The following COL24A1 variants were observed in gnomAD, a reference collection of about 807,000 sequenced individuals.
COL24A1 encodes collagen type XXIV alpha 1 chain.
In COL24A1, 224 loss-of-function variants were observed where a neutral mutation model predicts 253.9. The ratio of observed to expected loss-of-function variants is 0.88; its 90% CI spans 0.79 to 0.99. The LOEUF (loss-of-function observed/expected upper bound fraction) is 0.99. Among genes scored for constraint, COL24A1 ranks in the 50% least tolerant of loss-of-function variants. The probability of loss-of-function intolerance (pLI) is 0.00; values close to 1 mark genes in which losing one functional copy is unlikely to be tolerated. For synonymous variants in COL24A1, 685 were observed against 673.7 expected (o/e 1.02, Z -0.26); for missense variants, 2,131 against 2,068.5 (o/e 1.03, Z -0.59).
At chr1:85,734,634 AC>A in intron 59 of COL24A1, 114 bp downstream of exon 59, 3 of 877,568 alleles carry the variant, frequency 3.4e-6, no homozygotes, top group Middle Eastern at 2.6e-4. Flanking sequence ...AAAACTTACT[AC>A]CCTTCTGTAT....
intron 24 of COL24A1, among the ~76,000 whole-genome samples, chr1:85,941,724 T>C (rs1239930763): frequency 6.6e-6 from 1 of 152,158 alleles, no homozygotes; most frequent in African/African-American, 2.4e-5. Context: ...TCCTGACATA[T>C]CTACAGGAAG....
intron 32 of COL24A1, among the ~76,000 whole-genome samples, chr1:85,880,006 G>C (rs1477860574): frequency 6.6e-6 from 1 of 152,080 alleles, no homozygotes; most frequent in African/African-American, 2.4e-5. Flanking sequence ...TGGCTATTCT[G>C]GGTCTTTTGC....
chr1:85,853,051 A>G (rs559371855), intron 37 of COL24A1, among the ~76,000 whole-genome samples: 1 of 152,274 alleles, frequency 6.6e-6, no homozygotes, highest in South Asian at 2.1e-4. Flanking sequence ...GATTTGGTGT[A>G]CAGATAATTT....
At chr1:86,005,636 A>G (rs952948999) in intron 19 of COL24A1, among the ~76,000 whole-genome samples, 4 of 152,114 alleles carry the variant, frequency 2.6e-5, no homozygotes, top group African/African-American at 7.2e-5. Flanking sequence ...AAATAAAAGA[A>G]TAAAAAGAAA....
chr1:86,038,478 G>A (rs1553267026), intron 12 of COL24A1, among the ~76,000 whole-genome samples: 1 of 152,104 alleles, frequency 6.6e-6, no homozygotes, highest in Non-Finnish European at 1.5e-5. Flanking sequence ...ACAGGCAAGA[G>A]ATGTGGAGAA....
chr1:85,868,828 G>T lies in COL24A1; in HGVS notation c.3146C>A (p.Pro1049Gln). The change falls in exon 36 of 60, where the codon CCA becomes CAA. Residue 1049 changes from proline (P) to glutamine (Q), a missense_variant. Transcript: ENST00000370571. ...GTGEPGLRGE[P>Q]GAPGEEGLQG... ...GAGACCTTCTTCTCCAGGAGCTCCTGGTTCACCCTATTTTGTAGCAGAAAG... is the reference window on the plus strand; with the variant it reads ...GAGACCTTCTTCTCCAGGAGCTCCTTGTTCACCCTATTTTGTAGCAGAAAG... The T allele has an allele frequency of 6.3e-7, 1 of 1,586,972 alleles. No individual in the cohort carries two copies. The highest frequency in any genetic ancestry group is 1.8e-5 in the Admixed American group (1 of 56,876).
intron 41 of COL24A1, 144 bp downstream of exon 41, chr1:85,841,924 A>ATTTTT: frequency 1.6e-6 from 1 of 627,424 alleles, no homozygotes. Context: ...CTTGATATTT[A>ATTTTT]TTTTTTTCTT....
chr1:85,829,513 A>T (rs1296920448), intron 43 of COL24A1, among the ~76,000 whole-genome samples: 1 of 151,824 alleles, frequency 6.6e-6, no homozygotes, highest in Non-Finnish European at 1.5e-5. Context: ...TATCCTGCAG[A>T]GTGTTTTCCA....
intron 2 of COL24A1, among the ~76,000 whole-genome samples, chr1:86,145,122 C>T (rs781015277): frequency 6.6e-6 from 1 of 152,052 alleles, no homozygotes; most frequent in Non-Finnish European, 1.5e-5. Context: ...ATCTACTTGT[C>T]AATTTGGTCA....
intron 43 of COL24A1, among the ~76,000 whole-genome samples, chr1:85,826,982 G>A (rs536162632): frequency 7.9e-5 from 12 of 151,944 alleles, no homozygotes; most frequent in African/African-American, 2.9e-4. Context: ...AGTGGTGAGA[G>A]AGGGCATCCC....
intron 47 of COL24A1, among the ~76,000 whole-genome samples, chr1:85,794,919 A>G (rs1233215319): frequency 1.3e-5 from 2 of 152,128 alleles, no homozygotes; most frequent in Non-Finnish European, 2.9e-5. Context: ...CTACCGAAAT[A>G]AGTTTTAAAC....
intron 28 of COL24A1, among the ~76,000 whole-genome samples, chr1:85,898,674 A>G (rs1027986733): frequency 9.8e-5 from 15 of 152,344 alleles, no homozygotes; most frequent in Admixed American, 7.2e-4. Context: ...AGTGCCTACT[A>G]TAAGCCAGCA....
chr1:85,764,573 A>G (rs1436909843), intron 53 of COL24A1, among the ~76,000 whole-genome samples: 2 of 151,564 alleles, frequency 1.3e-5, no homozygotes, highest in Non-Finnish European at 2.9e-5. Flanking sequence ...GAAAAACACA[A>G]TCATATAGGA....
chr1:85,879,246 G>GGGGT (rs759641342), intron 32 of COL24A1, among the ~76,000 whole-genome samples: 3 of 147,222 alleles, frequency 2.0e-5, no homozygotes, highest in Admixed American at 1.4e-4. Flanking sequence ...TCATTTTGAG[G>GGGGT]GTGTGTGTGT....
intron 29 of COL24A1, 94 bp from the exon 30 acceptor site, chr1:85,896,159 G>A (rs1683683194): frequency 7.5e-7 from 1 of 1,341,798 alleles, no homozygotes; most frequent in Admixed American, 2.2e-5. Flanking sequence ...ATACAAAAAA[G>A]ACAGTAAGTA....
intron 14 of COL24A1, chr1:86,030,735 T>C (rs1267450903): frequency 1.4e-5 from 2 of 146,618 alleles, no homozygotes; most frequent in African/African-American, 5.1e-5. Flanking sequence ...GCCAGGCTAA[T>C]TTTCTTTTTT....
intron 20 of COL24A1, among the ~76,000 whole-genome samples, chr1:85,978,616 A>G (rs1324730579): frequency 6.6e-6 from 1 of 152,206 alleles, no homozygotes; most frequent in Non-Finnish European, 1.5e-5. Flanking sequence ...TAATGATAAA[A>G]GGATCAGTCC....
At chr1:85,963,117 T>C (rs918369835) in intron 23 of COL24A1, among the ~76,000 whole-genome samples, 1 of 152,164 alleles carries the variant, frequency 6.6e-6, no homozygotes, top group African/African-American at 2.4e-5. Flanking sequence ...GCAGTTCATG[T>C]TGCATTTCTA....
chr1:85,909,611 C>T (rs1685173836), intron 26 of COL24A1, among the ~76,000 whole-genome samples: 1 of 151,848 alleles, frequency 6.6e-6, no homozygotes, highest in Admixed American at 6.6e-5. Flanking sequence ...ATAAGTAGAA[C>T]TCTAATTTTA....
Sources: allele counts gnomAD v4.1 joint callset (sites outside exome capture counted in the v4.1 genomes callset), GRCh38; gene constraint gnomAD v4.1.1; transcripts MANE v1.5; gene names NCBI Gene and HGNC (gene_info 2026-07-23, HGNC 2026-07-21).